The following AIFM3 variants were observed in gnomAD, a reference collection of about 807,000 sequenced individuals.
The protein encoded by AIFM3 is AIF family member 3, also known as apoptosis-inducing factor 3.
AIFM3 carries 71 observed loss-of-function variants against 82.7 expected under a neutral mutation model. The ratio of observed to expected loss-of-function variants is 0.86; its 90% confidence interval spans 0.71 to 1.05. The LOEUF (loss-of-function observed/expected upper bound fraction) is 1.05, where lower values mean the gene tolerates loss of function less well. Ranked by LOEUF, AIFM3 falls within the 50% of genes least tolerant of loss-of-function variation. AIFM3 has a pLI of 0.00. For missense variants in AIFM3, 748 were observed against 816.7 expected, an observed-to-expected ratio of 0.92 and a Z score of 1.03; for synonymous variants, 337 against 329.1, an observed-to-expected ratio of 1.02 and a Z score of -0.26.
chr22:20,965,778 G>A (rs937707495), upstream of AIFM3, among the ~76,000 whole-genome samples: 7 of 151,942 alleles, frequency 4.6e-5, no homozygotes, highest in Non-Finnish European at 1.0e-4. Context: ...CCCTGGGGGC[G>A]CCAGGAGCCC....
At chr22:20,979,489 G>T in intron 17 of AIFM3, 120 bp downstream of exon 17, 1 of 1,479,214 alleles carries the variant, frequency 6.8e-7, no homozygotes, top group South Asian at 1.2e-5. Flanking sequence ...AGGCCGGTAA[G>T]AACTCGCTGG....
chr22:20,968,762 A>G (rs1204883007), intron 2 of AIFM3, among the ~76,000 whole-genome samples: 6 of 152,080 alleles, frequency 3.9e-5, no homozygotes, highest in African/African-American at 9.7e-5. Flanking sequence ...TCAAGAGCGC[A>G]GCCAGTGCTC....
rs536971755 is a variant in AIFM3, at chr22:20,981,222, G to A, written c.*191G>A. 87 of 693,884 alleles carry A rather than the reference G, an allele frequency of 1.3e-4. No homozygotes were observed. In the African/African-American group the frequency reaches 1.4e-3, roughly 11 times the overall value. The allele number at this position is 693,884 out of a possible 1,614,324, so 43.0% of individuals were successfully genotyped here. A position where few individuals can be genotyped will look rare whatever the true frequency, so the allele number is the denominator to read the frequency against. On this transcript the variant is annotated 3_prime_UTR_variant, in exon 21 of 21. Transcript: ENST00000440238. ...GATCCAGAAGATGCTCAACCCTCAA[G>A]GCCTCTGCTGCCACTGACAGCTGGC...
Position 20,977,779 on chromosome 22 carries a change from G to C in AIFM3, c.1359+3G>C, listed in dbSNP as rs756941626. On this transcript the variant is annotated splice_donor_region_variant and intron_variant, in intron 15 of 20. Coordinates refer to ENST00000440238, the MANE Select transcript of AIFM3 (RefSeq NM_001386814.1). The stretch of plus-strand genomic sequence containing the variant: ...GAGGCTTCATCCCTGTCAACAAGGT[G>C]GGGTGGATGGCACTGGGTGGGGAGG... The C allele has an allele frequency of 3.4e-5, 55 of 1,614,070 alleles. No individual in the cohort carries two copies. The highest frequency in any genetic ancestry group is 4.5e-5 in the Non-Finnish European group (53 of 1,180,046).
At chr22:20,968,086 TATCC>T in intron 2 of AIFM3, 111 bp downstream of exon 2, 2 of 1,144,388 alleles carry the variant, frequency 1.7e-6, no homozygotes, top group Non-Finnish European at 2.5e-6. Flanking sequence ...TAGGTCAGGC[TATCC>T]AAGAACCCGC....
At chr22:20,979,892 G>T in intron 18 of AIFM3, 128 bp from the exon 19 acceptor site, 1 of 1,116,984 alleles carries the variant, frequency 9.0e-7, no homozygotes, top group South Asian at 1.5e-5. Context: ...AGGGCTGGGT[G>T]CTCAGGCCAT....
chr22:20,973,326 G>C lies in AIFM3; in HGVS notation c.51G>C (p.Val17=), dbSNP rs773516740. 1.3e-6 allele frequency: 2 copies of C among 1,595,878 alleles called. No homozygotes were observed. The highest frequency in any genetic ancestry group is 2.3e-5 in the South Asian group (2 of 88,588). The change falls in exon 3 of 21, where the codon GTG becomes GTC. Residue 17 remains valine (V), a synonymous_variant. Transcript: ENST00000440238. ...CCACAGTGGAGCTCAAGATCGAGGT[G>C]GTGCTGCCTGAGAAGGAGCGAGGCA... ...KPKPVELKIE[V]VLPEKERGKE... is the part of the protein sequence containing the mutation.
chr22:20,969,459 T>G (rs1361584931), intron 2 of AIFM3, among the ~76,000 whole-genome samples: 3 of 150,530 alleles, frequency 2.0e-5, no homozygotes, highest in Non-Finnish European at 4.5e-5. Flanking sequence ...GAGACAGAGT[T>G]CACTCCTTCT....
rs1373815998 is a variant in AIFM3 at position 20,980,072 on chromosome 22, A to G, written c.1705A>G (p.Lys569Glu). The change falls in exon 19 of 21, where the codon AAG becomes GAG. Residue 569 changes from lysine (K) to glutamate (E), a missense_variant. Around this residue, in one of 5 missense-constraint regions of AIFM3, gnomAD observed 183 missense variants for 158.2 expected, o/e 1.16. Transcript: ENST00000440238. ...ASMNYDPIVS[K>E]VAEVLASGRA... ...CATGAACTACGATCCCATTGTGTCCAAGGTCGCTGAGGTGCTGGCCTCAGG... is the reference window on the plus strand; with the variant it reads ...CATGAACTACGATCCCATTGTGTCCGAGGTCGCTGAGGTGCTGGCCTCAGG... 1 of 1,611,172 alleles carries G rather than the reference A, an allele frequency of 6.2e-7. No individual in the cohort carries two copies. Among genetic ancestry groups the G allele is most frequent in the Admixed American group, 1.7e-5 (1 of 60,022 alleles).
chr22:20,974,894 C>T, intron 8 of AIFM3, 78 bp downstream of exon 8: 1 of 1,467,804 alleles, frequency 6.8e-7, no homozygotes, highest in Admixed American at 1.9e-5. Flanking sequence ...CTTGTCACCC[C>T]ATTGGGGTCT....
rs759511916 is a variant in AIFM3, at chr22:20,974,541, G to A, written c.527G>A (p.Arg176Gln). ...RASKQALQLQ[R>Q]RTKVMAKCIS... Reference sequence around the variant, plus strand: ...CACCCACAGGCCCTACAGCTGCAGCGAAGGACCAAGGTGATGGCCAAGTGT... The same window carrying A: ...CACCCACAGGCCCTACAGCTGCAGCAAAGGACCAAGGTGATGGCCAAGTGT... Residue 176 changes from arginine to glutamine, a missense_variant, in exon 7 of 21, where the codon CGA becomes CAA. This residue lies in a region of AIFM3 where 393 missense variants were observed against 481.1 expected (regional missense o/e 0.82). Transcript: ENST00000440238. The A allele has an allele frequency of 2.5e-6, 4 of 1,612,862 alleles. No homozygotes were observed. Among genetic ancestry groups the A allele is most frequent in the East Asian group, 2.2e-5 (1 of 44,846 alleles).
intron 2 of AIFM3, among the ~76,000 whole-genome samples, chr22:20,971,973 G>A (rs985660240): frequency 6.6e-6 from 1 of 152,124 alleles, no homozygotes; most frequent in Admixed American, 6.5e-5. Flanking sequence ...CTGTGGGGGG[G>A]GGGGGCTGTG....
At chr22:20,971,929 G>A (rs549380057) in intron 2 of AIFM3, among the ~76,000 whole-genome samples, 2 of 151,976 alleles carry the variant, frequency 1.3e-5, no homozygotes, top group Non-Finnish European at 2.9e-5. Flanking sequence ...AGCTGGCCCC[G>A]TGGGCACGCT....
At chr22:20,979,500 C>T (rs1038702430) in intron 17 of AIFM3, 127 bp from the exon 18 acceptor site, 2 of 1,474,656 alleles carry the variant, frequency 1.4e-6, no homozygotes, top group Non-Finnish European at 1.9e-6. Flanking sequence ...AACTCGCTGG[C>T]GGCAAGGCTA....
At chr22:20,979,407 C>T in intron 17 of AIFM3, 38 bp downstream of exon 17, 6 of 549,212 alleles carry the variant, frequency 1.1e-5, no homozygotes, top group Non-Finnish European at 1.6e-5. Flanking sequence ...GGGCCGAGGG[C>T]GTTTAGGGGC....
Position 20,967,791 on chromosome 22 carries a change from A to C in AIFM3, c.-140-14A>C. 2 of 754,600 alleles carry C rather than the reference A, an allele frequency of 2.7e-6. No homozygotes were observed. The highest frequency in any genetic ancestry group is 2.0e-5 in the Admixed American group (1 of 49,302). 46.7% of individuals were successfully genotyped at this position (754,600 alleles called of 1,614,324 possible). ...CACACGCCCCGGTCCTGATGGCTCC[A>C]GTCTCCCCTGCAGGTCCTAGAGCAG... On this transcript the variant is annotated splice_polypyrimidine_tract_variant and intron_variant, in intron 1 of 20. Coordinates refer to ENST00000440238, the MANE Select transcript of AIFM3 (RefSeq NM_001386814.1).
chr22:20,978,073 A>G (rs1923815779), intron 16 of AIFM3, 68 bp downstream of exon 16: 2 of 1,473,638 alleles, frequency 1.4e-6, no homozygotes, highest in Non-Finnish European at 9.5e-7. Flanking sequence ...CCCCATGCCC[A>G]TGCCTCAGTT....
At chr22:20,980,852 C>G in intron 20 of AIFM3, 85 bp downstream of exon 20, 1 of 1,609,780 alleles carries the variant, frequency 6.2e-7, no homozygotes, top group Non-Finnish European at 8.5e-7. Flanking sequence ...CTCCCTCTGT[C>G]CAAGTACACC....
chr22:20,970,756 C>T lies in AIFM3; in HGVS notation c.32-2551C>T, dbSNP rs186392261. ...GATTACAGGCATGAGCCATCATTCC[C>T]GGCCAACTGGCAATTTTTAAATTTT... On this transcript the variant is annotated intron_variant, in intron 2 of 20. Coordinates refer to ENST00000440238, the MANE Select transcript of AIFM3 (RefSeq NM_001386814.1). 1.1e-3 allele frequency among the ~76,000 whole-genome samples: 163 copies of T among 152,268 alleles called. 1 individual carries two copies. The highest frequency in any genetic ancestry group is 3.1e-3 in the African/African-American group (127 of 41,548).
Sources: allele counts gnomAD v4.1 joint callset (sites outside exome capture counted in the v4.1 genomes callset), GRCh38; gene constraint gnomAD v4.1.1; regional missense constraint gnomAD v4.1.1; transcripts MANE v1.5; gene names NCBI Gene and HGNC (gene_info 2026-07-23, HGNC 2026-07-21).